The following SMARCC1 variants were observed in gnomAD, a reference collection of about 807,000 sequenced individuals.
The protein encoded by SMARCC1 is SWI/SNF related BAF chromatin remodeling complex subunit C1.
In SMARCC1, 43 loss-of-function variants were observed where a neutral mutation model predicts 147.4. The ratio of observed to expected loss-of-function variants is 0.29; its 90% confidence interval spans 0.23 to 0.38. The LOEUF is 0.38. SMARCC1 is among the 10% of genes least tolerant of loss of function. SMARCC1 has a pLI of 1.00. For missense variants in SMARCC1, 1,119 were observed against 1,381.1 expected (o/e 0.81, Z 3.01); for synonymous variants, 495 against 484.4 (o/e 1.02, Z -0.29).
intron 14 of SMARCC1, among the ~76,000 whole-genome samples, chr3:47,682,294 CAA>C (rs71070209): frequency 6.5e-5 from 6 of 92,178 alleles, no homozygotes; most frequent in Admixed American, 1.1e-4. Context: ...GACTCCGTTT[CAA>C]AAAAAAAAAA....
chr3:47,623,465 C>T (rs557576651), intron 24 of SMARCC1, among the ~76,000 whole-genome samples: 1 of 152,224 alleles, frequency 6.6e-6, no homozygotes, highest in Non-Finnish European at 1.5e-5. Context: ...CATTCATTTA[C>T]AGTTGAAAAC....
chr3:47,720,629 A>C (rs772537391), intron 7 of SMARCC1, 37 bp downstream of exon 7: 5 of 1,333,210 alleles, frequency 3.8e-6, no homozygotes, highest in Non-Finnish European at 4.2e-6. Context: ...CTTTCACAGA[A>C]ATCTTTATAC....
At chr3:47,625,183 G>A (rs1255185619) in intron 24 of SMARCC1, among the ~76,000 whole-genome samples, 6 of 151,036 alleles carry the variant, frequency 4.0e-5, no homozygotes, top group Admixed American at 3.3e-4. Context: ...AGTCTGGGCC[G>A]GCGCTGTGGC....
intron 11 of SMARCC1, among the ~76,000 whole-genome samples, chr3:47,697,522 G>T (rs570308206): frequency 8.6e-5 from 13 of 150,596 alleles, no homozygotes; most frequent in Admixed American, 6.0e-4. Context: ...GGCTAGTCTT[G>T]AACTCCTGGC....
chr3:47,721,145 T>C (rs1330065525), intron 6 of SMARCC1, among the ~76,000 whole-genome samples: 2 of 152,236 alleles, frequency 1.3e-5, no homozygotes, highest in African/African-American at 4.8e-5. Context: ...TCTTTCAAGA[T>C]GTAAACCGTA....
In SMARCC1 at chr3:47,696,041, T is replaced by C. The variant is rs1388733311; in HGVS notation, c.1166-2741A>G. Among the ~76,000 whole-genome samples, 3 of 119,374 alleles carry C rather than the reference T, an allele frequency of 2.5e-5. No individual in the cohort carries two copies. The East Asian group carries it at 8.7e-4, about 34-fold the overall frequency. The allele number at this position is 119,374 out of a possible 152,430, so 78.3% of individuals were successfully genotyped here. ...GAGATTATGCCACGGCACTCCAGCCTGGGTGACTGAGCAAGACGCTGTCTC... is the reference window on the plus strand; with the variant it reads ...GAGATTATGCCACGGCACTCCAGCCCGGGTGACTGAGCAAGACGCTGTCTC... On this transcript the variant is annotated intron_variant, in intron 11 of 27. Coordinates refer to ENST00000254480, the MANE Select transcript of SMARCC1 (RefSeq NM_003074.4).
intron 5 of SMARCC1, among the ~76,000 whole-genome samples, chr3:47,735,070 T>A (rs1183165444): frequency 6.6e-6 from 1 of 152,028 alleles, no homozygotes; most frequent in Non-Finnish European, 1.5e-5. Flanking sequence ...TTTTTTTTTT[T>A]AAATCATATA....
At position 47,676,800 on chromosome 3, in the gene SMARCC1, G is replaced by T. The variant is rs1559642210; in HGVS notation, c.1572-18C>A. ...CATGGACCCTAAAGAATAAAGCTCG[G>T]AAAGTTAAAATCTAAAGAATCAACT... On this transcript the variant is annotated intron_variant, in intron 16 of 27. Coordinates refer to ENST00000254480, the MANE Select transcript of SMARCC1 (RefSeq NM_003074.4). The T allele has an allele frequency of 1.2e-6, 2 of 1,608,564 alleles. No individual in the cohort carries two copies. Among genetic ancestry groups the T allele is most frequent in the Non-Finnish European group, 1.7e-6 (2 of 1,177,718 alleles).
At chr3:47,754,057 C>T (rs1345922268) in intron 2 of SMARCC1, among the ~76,000 whole-genome samples, 1 of 152,204 alleles carries the variant, frequency 6.6e-6, no homozygotes, top group East Asian at 1.9e-4. Context: ...GTATTATTAT[C>T]AGCACCTCTA....
At chr3:47,658,480 T>A (rs562748011) in intron 21 of SMARCC1, among the ~76,000 whole-genome samples, 1 of 152,264 alleles carries the variant, frequency 6.6e-6, no homozygotes, top group African/African-American at 2.4e-5. Context: ...TTTGTTTTTA[T>A]AGATTTCCCT....
intron 4 of SMARCC1, among the ~76,000 whole-genome samples, chr3:47,737,246 T>G (rs1385827948): frequency 6.6e-6 from 1 of 151,938 alleles, no homozygotes; most frequent in African/African-American, 2.4e-5. Flanking sequence ...ATAAAAAAAT[T>G]AGCCAGGTGT....
At chr3:47,764,869 T>C (rs1348176789) in intron 2 of SMARCC1, among the ~76,000 whole-genome samples, 2 of 152,198 alleles carry the variant, frequency 1.3e-5, no homozygotes, top group Non-Finnish European at 2.9e-5. Flanking sequence ...CAAGAATATC[T>C]ATGAGTTCAT....
intron 2 of SMARCC1, among the ~76,000 whole-genome samples, chr3:47,750,677 C>T (rs1466771327): frequency 1.3e-5 from 2 of 152,046 alleles, no homozygotes; most frequent in Non-Finnish European, 2.9e-5. Flanking sequence ...TCAAATCTAT[C>T]ACCAATATTC....
intron 14 of SMARCC1, 83 bp downstream of exon 14, chr3:47,685,966 T>C (rs2033717278): frequency 2.7e-6 from 3 of 1,096,408 alleles, no homozygotes; most frequent in Non-Finnish European, 4.0e-6. Context: ...ATAAGGAACA[T>C]GGGCAGAAAG....
At chr3:47,711,128 A>C (rs920165189) in intron 8 of SMARCC1, among the ~76,000 whole-genome samples, 7 of 152,194 alleles carry the variant, frequency 4.6e-5, no homozygotes, top group African/African-American at 7.2e-5. Flanking sequence ...CACAGAGCCA[A>C]AATCAGTCAT....
intron 2 of SMARCC1, among the ~76,000 whole-genome samples, chr3:47,763,110 A>G (rs1292906610): frequency 6.6e-6 from 1 of 151,500 alleles, no homozygotes; most frequent in African/African-American, 2.4e-5. Context: ...TTCCCTTAAA[A>G]TAGGTGTATC....
intron 26 of SMARCC1, among the ~76,000 whole-genome samples, chr3:47,601,213 C>T (rs2032380123): frequency 6.6e-6 from 1 of 151,348 alleles, no homozygotes; most frequent in Admixed American, 6.6e-5. Context: ...TAGAAAAATC[C>T]CTCATTCTCT....
Position 47,739,423 on chromosome 3 carries a change from G to A in SMARCC1, c.402-1313C>T, listed in dbSNP as rs2034482168. On this transcript the variant is annotated intron_variant, in intron 3 of 27. Transcript: ENST00000254480. ...GTAACCTTGAACTCCTGGGCTCAGGGGATACTCCCACCTCAACCTCAGCCT... is the reference window on the plus strand; with the variant it reads ...GTAACCTTGAACTCCTGGGCTCAGGAGATACTCCCACCTCAACCTCAGCCT... 2.0e-5 allele frequency among the ~76,000 whole-genome samples: 3 copies of A among 152,066 alleles called. No individual in the cohort carries two copies. The South Asian group carries it at 6.2e-4, about 32-fold the overall frequency.
chr3:47,689,473 TTGGG>T, intron 12 of SMARCC1, 49 bp from the exon 13 acceptor site: 1 of 1,490,706 alleles, frequency 6.7e-7, no homozygotes, highest in Non-Finnish European at 9.4e-7. Flanking sequence ...TAAATGTTCT[TTGGG>T]TTATTTGGAA....
Sources: allele counts gnomAD v4.1 joint callset (sites outside exome capture counted in the v4.1 genomes callset), GRCh38; gene constraint gnomAD v4.1.1; transcripts MANE v1.5; gene names NCBI Gene and HGNC (gene_info 2026-07-23, HGNC 2026-07-21).